TRAF7: variants seen among roughly 807,000 people sequenced by gnomAD.
The protein encoded by TRAF7 is E3 ubiquitin-protein ligase TRAF7.
TRAF7 carries 45 observed loss-of-function variants against 89.3 expected under a neutral mutation model. That is an observed-to-expected ratio of 0.50 (90% CI 0.40 to 0.65). The LOEUF is 0.65. Ranked by LOEUF, TRAF7 falls within the 30% of genes least tolerant of loss-of-function variation. TRAF7 has a pLI of 0.00. For missense variants in TRAF7, 677 were observed against 918.1 expected (o/e 0.74, Z 3.39); for synonymous variants, 406 against 369.2 (o/e 1.10, Z -1.14).
chr16:2,160,475 CGGTGTGGACGGGCGGGA>C (rs1296627965), intron 1 of TRAF7, among the ~76,000 whole-genome samples: 2 of 122,780 alleles, frequency 1.6e-5, no homozygotes, highest in African/African-American at 3.1e-5. Flanking sequence ...GATGGGCGGG[CGGTGTGGACGGGCGGGA>C]GGTGTGGACC....
chr16:2,171,567 C>T lies in TRAF7; in HGVS notation c.442-5C>T. 1 of 1,613,334 alleles carries T rather than the reference C, an allele frequency of 6.2e-7. No homozygotes were observed. Among genetic ancestry groups the T allele is most frequent in the South Asian group, 1.1e-5 (1 of 91,084 alleles). On this transcript the variant is annotated splice_polypyrimidine_tract_variant and splice_region_variant and intron_variant, in intron 6 of 20. Transcript: ENST00000326181. Reference sequence around the variant, plus strand: ...CACCCTCAAGCCCGCCCTTTGCCTCCACAGCACACGTTCTGTAGGAGATGC... The same window carrying T: ...CACCCTCAAGCCCGCCCTTTGCCTCTACAGCACACGTTCTGTAGGAGATGC...
chr16:2,161,467 C>T lies in TRAF7; in HGVS notation c.-38-2416C>T, dbSNP rs2093058185. On this transcript the variant is annotated intron_variant, in intron 1 of 20. Transcript: ENST00000326181. The surrounding 1 kb of genome is among the most constrained non-coding windows in gnomAD (Gnocchi z 5.2). Reference sequence around the variant, plus strand: ...GACTGTGAGCAACAGGCACTGAGGCCAGCCCGACCCATCCCAGGGGAGTGC... The same window carrying T: ...GACTGTGAGCAACAGGCACTGAGGCTAGCCCGACCCATCCCAGGGGAGTGC... 6.6e-6 allele frequency among the ~76,000 whole-genome samples: 1 copy of T among 152,164 alleles called. No homozygotes were observed. Among genetic ancestry groups the T allele is most frequent in the South Asian group, 2.1e-4 (1 of 4,832 alleles).
intron 14 of TRAF7, 124 bp downstream of exon 14, chr16:2,174,457 C>T (rs928633227): frequency 5.8e-6 from 5 of 859,578 alleles, no homozygotes; most frequent in South Asian, 1.6e-5. Context: ...CTATAGGGCA[C>T]CCTCCACCCG....
intron 14 of TRAF7, 133 bp downstream of exon 14, chr16:2,174,466 C>A: frequency 2.6e-6 from 2 of 767,548 alleles, no homozygotes; most frequent in Non-Finnish European, 2.1e-6. Flanking sequence ...ACCCTCCACC[C>A]GGAGCAGCAC....
intron 3 of TRAF7, among the ~76,000 whole-genome samples, chr16:2,166,304 C>A (rs1442241625): frequency 1.3e-5 from 2 of 152,220 alleles, no homozygotes; most frequent in Non-Finnish European, 2.9e-5. Flanking sequence ...CCGAAAGGTC[C>A]CGTGTGCCCG....
chr16:2,175,991 G>T (rs916884519), intron 18 of TRAF7, 38 bp downstream of exon 18: 1 of 1,611,718 alleles, frequency 6.2e-7, no homozygotes, highest in Non-Finnish European at 8.5e-7. Context: ...CCAGACTGTG[G>T]CCCCGTCTCC....
At position 2,173,175 on chromosome 16, in the gene TRAF7, C is replaced by T; in HGVS notation, c.795-7C>T. On this transcript the variant is annotated splice_region_variant and splice_polypyrimidine_tract_variant and intron_variant, in intron 9 of 20. Transcript: ENST00000326181. ...CCGCCAGGCAGGCAGCTGTCCTGTCCCCGCAGGTGCACGTTCATCGGGAAC... is the reference window on the plus strand; with the variant it reads ...CCGCCAGGCAGGCAGCTGTCCTGTCTCCGCAGGTGCACGTTCATCGGGAAC... 6.2e-7 allele frequency: 1 copy of T among 1,602,306 alleles called. No individual in the cohort carries two copies. Among genetic ancestry groups the T allele is most frequent in the Non-Finnish European group, 8.5e-7 (1 of 1,176,158 alleles).
intron 7 of TRAF7, 25 bp from the exon 8 acceptor site, chr16:2,172,166 G>A (rs773655602): frequency 1.4e-5 from 22 of 1,612,372 alleles, no homozygotes; most frequent in Admixed American, 5.0e-5. Flanking sequence ...CAGGCCGTGA[G>A]GGTCAGCACG....
chr16:2,170,864 T>C, intron 5 of TRAF7, 134 bp downstream of exon 5: 1 of 835,328 alleles, frequency 1.2e-6, no homozygotes, highest in Non-Finnish European at 1.9e-6. Context: ...GGAACTGCAG[T>C]GCTTGCTGGT....
At chr16:2,169,646 G>C (rs1484158828) in intron 4 of TRAF7, among the ~76,000 whole-genome samples, 1 of 152,208 alleles carries the variant, frequency 6.6e-6, no homozygotes, top group Non-Finnish European at 1.5e-5. Context: ...TCCCGTGCCA[G>C]CTCCTGCTCT....
rs1475654357 is a variant in TRAF7 at position 2,164,133 on chromosome 16, G to GTGTGT, written c.81+132_81+133insTGTGT. ...GGTCTCAGGGGAGCTCGGTGGGGGG[G>GTGTGT]GGTGTGGTGTGTGTGTGTGTGTGTG... On this transcript the variant is annotated intron_variant, in intron 2 of 20. Transcript: ENST00000326181. The GTGTGT allele has an allele frequency of 1.5e-3, 1,063 of 716,492 alleles. 14 individuals are homozygous for GTGTGT. Among genetic ancestry groups the GTGTGT allele is most frequent in the Non-Finnish European group, 1.9e-4 (86 of 444,784 alleles). 44.4% of individuals were successfully genotyped at this position (716,492 alleles called of 1,614,324 possible). A position where few individuals can be genotyped will look rare whatever the true frequency, so the allele number is the denominator to read the frequency against.
chr16:2,160,641 T>C (rs544715761), intron 1 of TRAF7, among the ~76,000 whole-genome samples: 10 of 151,864 alleles, frequency 6.6e-5, no homozygotes, highest in Non-Finnish European at 1.5e-4. Flanking sequence ...GGAAAGCCCT[T>C]TCTCAGCCAC....
In TRAF7 at chr16:2,176,194, C is replaced by T. The variant is rs1190446911; in HGVS notation, c.1878+14C>T. The stretch of plus-strand genomic sequence containing the variant: ...CGGTCCCTCAGGGTGCGTGCTGGCC[C>T]AGCGGTGGCAGGAGGCTCAGAGGGC... On this transcript the variant is annotated intron_variant, in intron 19 of 20. Coordinates refer to ENST00000326181, the MANE Select transcript of TRAF7 (RefSeq NM_032271.3). The T allele has an allele frequency of 6.2e-7, 1 of 1,603,126 alleles. No homozygotes were observed. Among genetic ancestry groups the T allele is most frequent in the Admixed American group, 1.7e-5 (1 of 59,886 alleles).
chr16:2,164,439 G>T (rs1271870695), intron 2 of TRAF7, among the ~76,000 whole-genome samples: 1 of 142,138 alleles, frequency 7.0e-6, no homozygotes, highest in Non-Finnish European at 1.5e-5. Context: ...TGGCCTGGTC[G>T]CATGGTTAAG....
rs773743264 is a variant in TRAF7 at position 2,168,043 on chromosome 16, C to T, written c.140-34C>T. 1.3e-6 allele frequency: 2 copies of T among 1,596,232 alleles called. No homozygotes were observed. Among genetic ancestry groups the T allele is most frequent in the East Asian group, 2.2e-5 (1 of 44,778 alleles). On this transcript the variant is annotated intron_variant, in intron 3 of 20. Transcript: ENST00000326181. The surrounding 1 kb of genome is among the most constrained non-coding windows in gnomAD (Gnocchi z 4.1). Reference sequence around the variant, plus strand: ...ACCTCCCCCACATCTGCTGAGGGAGCCCCCACTGAGACGCCAGCCCTCTTG... The same window carrying T: ...ACCTCCCCCACATCTGCTGAGGGAGTCCCCACTGAGACGCCAGCCCTCTTG...
rs1357138482 is a variant in TRAF7, at chr16:2,175,091, C to T, written c.1347-20C>T. Reference sequence around the variant, plus strand: ...GGACACAGCTTCTCCCACCTTGACACATTGTCTCTGCTTCCCCAGGTGCAA... The same window carrying T: ...GGACACAGCTTCTCCCACCTTGACATATTGTCTCTGCTTCCCCAGGTGCAA... On this transcript the variant is annotated intron_variant, in intron 14 of 20. Coordinates refer to ENST00000326181, the MANE Select transcript of TRAF7 (RefSeq NM_032271.3). The T allele has an allele frequency of 6.2e-6, 10 of 1,613,820 alleles. No individual in the cohort carries two copies. The highest frequency in any genetic ancestry group is 8.5e-6 in the Non-Finnish European group (10 of 1,179,936).
chr16:2,167,387 G>A lies in TRAF7; in HGVS notation c.140-690G>A, dbSNP rs540511370. ...CTGAGCTGGGCTGGTCCTGAGTCCG[G>A]GAGGTGTCTCTCTCTGCCTCCCACG... On this transcript the variant is annotated intron_variant, in intron 3 of 20. Transcript: ENST00000326181. Among the ~76,000 whole-genome samples, 15 of 152,344 alleles carry A rather than the reference G, an allele frequency of 9.8e-5. No individual in the cohort carries two copies. The South Asian group carries it at 1.7e-3, about 17-fold the overall frequency.
chr16:2,166,306 G>T (rs564832641), intron 3 of TRAF7, among the ~76,000 whole-genome samples: 1 of 152,302 alleles, frequency 6.6e-6, no homozygotes, highest in Admixed American at 6.5e-5. Flanking sequence ...GAAAGGTCCC[G>T]TGTGCCCGGA....
intron 5 of TRAF7, 122 bp downstream of exon 5, chr16:2,170,852 C>A: frequency 1.1e-6 from 1 of 946,932 alleles, no homozygotes; most frequent in Non-Finnish European, 1.6e-6. Context: ...TGGGGCCTGA[C>A]GGGAACTGCA....
Sources: gnomAD v4.1 joint callset for allele counts (sites outside exome capture counted in the v4.1 genomes callset) on GRCh38, gnomAD v4.1.1 for gene constraint, Gnocchi (gnomAD v3.1) non-coding constraint, MANE v1.5 for transcripts, NCBI Gene and HGNC (gene_info 2026-07-23, HGNC 2026-07-21) for gene names.